SIK2: variants seen among roughly 807,000 people sequenced by gnomAD.
SIK2 encodes the protein salt inducible kinase 2, also known as serine/threonine-protein kinase SIK2.
In SIK2, 29 loss-of-function variants were observed where a neutral mutation model predicts 103.2. That is an observed-to-expected ratio of 0.28 (90% confidence interval 0.21 to 0.38). The LOEUF (loss-of-function observed/expected upper bound fraction) is 0.38, where lower values mean the gene tolerates loss of function less well. Ranked by LOEUF, SIK2 falls within the 10% of genes least tolerant of loss-of-function variation. The pLI, the probability that SIK2 is intolerant of heterozygous loss-of-function variation, is 1.00. For synonymous variants in SIK2, 412 were observed against 446.1 expected (o/e 0.92, Z 0.96); for missense variants, 879 against 1,171.0 (o/e 0.75, Z 3.64).
intron 3 of SIK2, among the ~76,000 whole-genome samples, chr11:111,634,554 C>G (rs537282825): frequency 5.9e-5 from 9 of 152,164 alleles, no homozygotes; most frequent in African/African-American, 2.2e-4. Context: ...ATTCAGATTG[C>G]CATCATTTCT....
Position 111,621,209 on chromosome 11 carries a change from C to A in SIK2, c.316+807C>A, listed in dbSNP as rs111825507. On this transcript the variant is annotated intron_variant, in intron 3 of 14. Coordinates refer to ENST00000304987, the MANE Select transcript of SIK2 (RefSeq NM_015191.3). ...CATCACTTCCAGAAGTTTCTTTGTG[C>A]CCTCTTTGTAACTCTTTTGCCCCAT... 6.5e-3 allele frequency among the ~76,000 whole-genome samples: 990 copies of A among 152,274 alleles called. 10 individuals carry two copies. Among genetic ancestry groups the A allele is most frequent in the African/African-American group, 0.022 (924 of 41,560 alleles).
rs1284004565 is a variant in SIK2 at position 111,728,954 on chromosome 11, A to G, written c.*4825A>G. ...AAAAAAAAAAGACAAGAGCAGTATC[A>G]TCTGCCTCTGTTTCTAAACTGGACA... is the stretch of plus-strand genomic sequence containing the variant. On this transcript the variant is annotated 3_prime_UTR_variant, in exon 15 of 15. Transcript: ENST00000304987. 4.6e-5 allele frequency: 7 copies of G among 152,318 alleles called. No individual in the cohort carries two copies. In the South Asian group the frequency reaches 1.2e-3, roughly 27 times the overall value. The allele number at this position is 152,318 out of a possible 1,614,324, so 9.4% of individuals were successfully genotyped here. A position where few individuals can be genotyped will look rare whatever the true frequency, so the allele number is the denominator to read the frequency against.
intron 3 of SIK2, among the ~76,000 whole-genome samples, chr11:111,678,640 CAT>C (rs1358930964): frequency 6.6e-6 from 1 of 152,132 alleles, no homozygotes; most frequent in East Asian, 1.9e-4. Flanking sequence ...ATTTTCTGTA[CAT>C]GTTTATCAGC....
At chr11:111,637,147 T>TTAC (rs1440306522) in intron 3 of SIK2, among the ~76,000 whole-genome samples, 1 of 152,002 alleles carries the variant, frequency 6.6e-6, no homozygotes, top group Admixed American at 6.6e-5. Context: ...GTTCTCCTAT[T>TTAC]TACCATGTCT....
At chr11:111,615,155 A>G (rs1369088481) in intron 1 of SIK2, among the ~76,000 whole-genome samples, 4 of 149,162 alleles carry the variant, frequency 2.7e-5, no homozygotes, top group Admixed American at 6.7e-5. Context: ...ATAAATAAAT[A>G]AAAGTTTTCC....
intron 2 of SIK2, 107 bp downstream of exon 2, chr11:111,616,466 A>G: frequency 1.4e-6 from 1 of 703,712 alleles, no homozygotes; most frequent in South Asian, 1.8e-5. Context: ...GAAAGAAAAT[A>G]AATGTATGCT....
chr11:111,608,117 G>A (rs1385594446), intron 1 of SIK2, among the ~76,000 whole-genome samples: 2 of 151,936 alleles, frequency 1.3e-5, no homozygotes, highest in African/African-American at 2.4e-5. Flanking sequence ...CCATCTTTTC[G>A]AAATAAATTA....
At chr11:111,610,676 A>G (rs916667245) in intron 1 of SIK2, among the ~76,000 whole-genome samples, 1 of 152,132 alleles carries the variant, frequency 6.6e-6, no homozygotes, top group Non-Finnish European at 1.5e-5. Context: ...ACATTTCTGT[A>G]TATATGGTCT....
At chr11:111,634,349 G>C (rs911635032) in intron 3 of SIK2, among the ~76,000 whole-genome samples, 1 of 152,166 alleles carries the variant, frequency 6.6e-6, no homozygotes, top group Non-Finnish European at 1.5e-5. Context: ...ACAGCCTGAA[G>C]GTAGTACTAG....
At chr11:111,626,475 G>A (rs1224255508) in intron 3 of SIK2, among the ~76,000 whole-genome samples, 1 of 151,474 alleles carries the variant, frequency 6.6e-6, no homozygotes, top group Non-Finnish European at 1.5e-5. Context: ...CTACCTGAAT[G>A]AGGTTTTGAA....
At chr11:111,704,761 C>T (rs1045059349) in intron 7 of SIK2, among the ~76,000 whole-genome samples, 5 of 152,192 alleles carry the variant, frequency 3.3e-5, no homozygotes, top group Admixed American at 2.0e-4. Context: ...TGTTAAAGGG[C>T]TGGTAAACCC....
At chr11:111,718,482 C>T (rs139618054) in intron 9 of SIK2, among the ~76,000 whole-genome samples, 1,672 of 152,314 alleles carry the variant, frequency 0.011, 50 homozygotes, top group Admixed American at 0.058. Context: ...GACCGCTCAT[C>T]GCTTTAAAAC....
At chr11:111,697,151 G>C (rs761473548) in intron 4 of SIK2, among the ~76,000 whole-genome samples, 1 of 152,202 alleles carries the variant, frequency 6.6e-6, no homozygotes, top group Non-Finnish European at 1.5e-5. Context: ...CTGCAACTTA[G>C]TAGCTAGCTG....
intron 12 of SIK2, among the ~76,000 whole-genome samples, chr11:111,721,423 TCAC>T (rs1317474118): frequency 1.3e-5 from 2 of 152,214 alleles, no homozygotes; most frequent in African/African-American, 4.8e-5. Context: ...GAGAAGCTTC[TCAC>T]CACTACTTTT....
At chr11:111,664,923 G>T (rs1942515435) in intron 3 of SIK2, among the ~76,000 whole-genome samples, 2 of 152,124 alleles carry the variant, frequency 1.3e-5, no homozygotes, top group Admixed American at 1.3e-4. Context: ...CAGGAAGGGA[G>T]AAGACAATTC....
chr11:111,715,239 T>G (rs1294194273), intron 9 of SIK2, among the ~76,000 whole-genome samples: 2 of 152,202 alleles, frequency 1.3e-5, no homozygotes, highest in Non-Finnish European at 2.9e-5. Context: ...ACCGTTTTAT[T>G]TATGTCAGCA....
intron 3 of SIK2, among the ~76,000 whole-genome samples, chr11:111,657,423 T>C (rs1942405333): frequency 1.3e-5 from 2 of 152,204 alleles, no homozygotes; most frequent in African/African-American, 4.8e-5. Context: ...AGGGTCTCAC[T>C]CTGTTGCCCA....
intron 12 of SIK2, 22 bp downstream of exon 12, chr11:111,721,084 C>A: frequency 6.3e-7 from 1 of 1,597,710 alleles, no homozygotes; most frequent in South Asian, 1.1e-5. Flanking sequence ...GGGCCCTTCC[C>A]TCAATGGCTC....
At chr11:111,655,213 C>T (rs1942376237) in intron 3 of SIK2, among the ~76,000 whole-genome samples, 1 of 152,088 alleles carries the variant, frequency 6.6e-6, no homozygotes, top group South Asian at 2.1e-4. Flanking sequence ...ACCAGCCTGG[C>T]CAACATGGTG....
Sources: allele counts gnomAD v4.1 joint callset (sites outside exome capture counted in the v4.1 genomes callset), GRCh38; gene constraint gnomAD v4.1.1; transcripts MANE v1.5; gene names NCBI Gene and HGNC (gene_info 2026-07-23, HGNC 2026-07-21).